The following PRR5L variants were observed in gnomAD, a reference collection of about 807,000 sequenced individuals.
PRR5L encodes proline rich 5 like.
A neutral mutation model predicts 36.4 loss-of-function variants in PRR5L; 21 were observed. The ratio of observed to expected loss-of-function variants is 0.58; its 90% CI spans 0.41 to 0.83. PRR5L has a LOEUF of 0.83. PRR5L is among the 40% of genes least tolerant of loss of function. The pLI, the probability that PRR5L is intolerant of heterozygous loss-of-function variation, is 0.00. For synonymous variants in PRR5L, 188 were observed against 197.0 expected (o/e 0.95, Z 0.38); for missense variants, 381 against 473.3 (o/e 0.80, Z 1.81).
intron 1 of PRR5L, among the ~76,000 whole-genome samples, chr11:36,333,483 A>G (rs182057463): frequency 2.1e-4 from 32 of 152,234 alleles, no homozygotes; most frequent in Admixed American, 3.9e-4. Context: ...CCAAATGTCC[A>G]TTGACTGCTG....
At chr11:36,346,227 A>T (rs1348126647) in intron 1 of PRR5L, among the ~76,000 whole-genome samples, 6 of 152,176 alleles carry the variant, frequency 3.9e-5, no homozygotes, top group Non-Finnish European at 7.3e-5. Context: ...CTCCAGCCTC[A>T]GTCTCCTAAA....
At chr11:36,321,646 G>A (rs1275968000) in intron 1 of PRR5L, 1 of 152,244 alleles carries the variant, frequency 6.6e-6, no homozygotes, top group African/African-American at 2.4e-5. Flanking sequence ...ATCAGCGTGG[G>A]TTCACCGCCT....
At chr11:36,396,984 G>A (rs1322574286) in intron 1 of PRR5L, among the ~76,000 whole-genome samples, 1 of 152,170 alleles carries the variant, frequency 6.6e-6, no homozygotes, top group Non-Finnish European at 1.5e-5. Flanking sequence ...TGGAGAATGA[G>A]GCACCAGTCA....
chr11:36,437,258 C>T, intron 5 of PRR5L, 127 bp from the exon 6 acceptor site: 7 of 775,282 alleles, frequency 9.0e-6, no homozygotes, highest in Non-Finnish European at 1.6e-5. Flanking sequence ...TTTAATAGCT[C>T]CTGGCTGCAA....
intron 1 of PRR5L, among the ~76,000 whole-genome samples, chr11:36,343,963 T>C (rs1298175507): frequency 6.6e-6 from 1 of 152,018 alleles, no homozygotes; most frequent in Non-Finnish European, 1.5e-5. Flanking sequence ...ACGCCTGTAA[T>C]TCGAGCACTT....
intron 1 of PRR5L, among the ~76,000 whole-genome samples, chr11:36,350,566 G>A (rs1388300001): frequency 6.6e-6 from 1 of 151,736 alleles, no homozygotes; most frequent in Non-Finnish European, 1.5e-5. Context: ...TAGGCTTTTG[G>A]GGAACAGGTC....
intron 1 of PRR5L, among the ~76,000 whole-genome samples, chr11:36,327,516 T>G (rs1856676856): frequency 6.6e-6 from 1 of 152,218 alleles, no homozygotes; most frequent in Non-Finnish European, 1.5e-5. Flanking sequence ...TTTTGGAATA[T>G]CCCTGCAAAA....
At position 36,400,908 on chromosome 11, in the gene PRR5L, G is replaced by C. The variant is rs1046768854; in HGVS notation, c.-125-89G>C. On this transcript the variant is annotated intron_variant, in intron 1 of 8. Transcript: ENST00000530639. ...TGCTGGGTCCCGCAGTTGTTTTCGG[G>C]GTAGTTAGGCTGGAAAGTCCCAGCC... 5.6e-6 allele frequency: 6 copies of C among 1,068,172 alleles called. No homozygotes were observed. The African/African-American group carries it at 8.1e-5, about 14-fold the overall frequency. The allele number at this position is 1,068,172 out of a possible 1,614,324, so 66.2% of individuals were successfully genotyped here.
At chr11:36,401,531 C>T (rs1857796818) in intron 2 of PRR5L, among the ~76,000 whole-genome samples, 1 of 152,254 alleles carries the variant, frequency 6.6e-6, no homozygotes, top group Admixed American at 6.5e-5. Flanking sequence ...CTCGGGCGAT[C>T]CTCCTGCCCC....
intron 1 of PRR5L, among the ~76,000 whole-genome samples, chr11:36,382,131 C>G (rs1289312435): frequency 1.3e-5 from 2 of 152,196 alleles, no homozygotes; most frequent in Non-Finnish European, 2.9e-5. Flanking sequence ...TCACTCCAGC[C>G]TGGGTGACAG....
At chr11:36,329,036 C>A (rs1033641554) in intron 1 of PRR5L, 1 of 152,092 alleles carries the variant, frequency 6.6e-6, no homozygotes, top group Non-Finnish European at 1.5e-5. Context: ...TAATAAAGGG[C>A]ATTTCTATGG....
intron 1 of PRR5L, among the ~76,000 whole-genome samples, chr11:36,359,372 T>C (rs1857061386): frequency 1.3e-5 from 2 of 152,236 alleles, no homozygotes. Context: ...AGAATTGTAA[T>C]AGAGTCCACA....
chr11:36,399,426 G>A (rs1420474290), intron 1 of PRR5L, among the ~76,000 whole-genome samples: 3 of 152,120 alleles, frequency 2.0e-5, no homozygotes, highest in Non-Finnish European at 4.4e-5. Flanking sequence ...TCGATGGCTT[G>A]CCTCCATGCC....
intron 3 of PRR5L, among the ~76,000 whole-genome samples, chr11:36,408,570 T>C (rs963619484): frequency 6.6e-6 from 1 of 152,182 alleles, no homozygotes; most frequent in African/African-American, 2.4e-5. Flanking sequence ...AGTCTTCTTG[T>C]TTTGAATTCT....
chr11:36,357,721 T>C (rs1857042450), intron 1 of PRR5L, among the ~76,000 whole-genome samples: 1 of 151,926 alleles, frequency 6.6e-6, no homozygotes, highest in Non-Finnish European at 1.5e-5. Flanking sequence ...AAAAAAAAGA[T>C]GCCTTTAAAA....
At chr11:36,319,025 C>G (rs548716393) in intron 1 of PRR5L, among the ~76,000 whole-genome samples, 1 of 152,262 alleles carries the variant, frequency 6.6e-6, no homozygotes, top group Middle Eastern at 3.4e-3. Flanking sequence ...ATACTCATCA[C>G]TTTTTTCTCT....
intron 1 of PRR5L, among the ~76,000 whole-genome samples, chr11:36,389,824 G>C (rs1857529781): frequency 6.6e-6 from 1 of 152,088 alleles, no homozygotes; most frequent in Non-Finnish European, 1.5e-5. Context: ...TGTTGGCCAG[G>C]CTGGTCTCGA....
intron 8 of PRR5L, among the ~76,000 whole-genome samples, chr11:36,460,474 TTCTGTAGTATC>T (rs916923672): frequency 2.4e-4 from 37 of 152,146 alleles, no homozygotes; most frequent in South Asian, 8.3e-4. Context: ...AGTTGTGGGG[TTCTGTAGTATC>T]TCTGTAGTAT....
chr11:36,392,692 A>G (rs1257320255), intron 1 of PRR5L, among the ~76,000 whole-genome samples: 2 of 152,050 alleles, frequency 1.3e-5, no homozygotes, highest in African/African-American at 4.8e-5. Flanking sequence ...ACTTACAATC[A>G]TGGGGGAAGG....
Sources: gnomAD v4.1 joint callset for allele counts (sites outside exome capture counted in the v4.1 genomes callset) on GRCh38, gnomAD v4.1.1 for gene constraint, MANE v1.5 for transcripts, NCBI Gene and HGNC (gene_info 2026-07-23, HGNC 2026-07-21) for gene names.